SORCS1: variants seen among roughly 807,000 people sequenced by gnomAD.
SORCS1 encodes VPS10 domain-containing receptor SorCS1.
SORCS1 carries 60 observed loss-of-function variants against 146.1 expected under a neutral mutation model. The observed-to-expected ratio is 0.41, with a 90% CI of 0.33 to 0.51. SORCS1 has a LOEUF of 0.51. Among genes scored for constraint, SORCS1 ranks in the 20% least tolerant of loss-of-function variants. The probability of loss-of-function intolerance (pLI) is 0.21; values close to 1 mark genes in which losing one functional copy is unlikely to be tolerated. For missense variants in SORCS1, 1,352 were observed against 1,487.6 expected (o/e 0.91, Z 1.50); for synonymous variants, 637 against 584.0 (o/e 1.09, Z -1.31).
rs1002103743 is a variant in SORCS1, at chr10:106,960,209, C to A, written c.559-3629G>T. Among the ~76,000 whole-genome samples the A allele has an allele frequency of 3.3e-5, 5 of 152,166 alleles. No individual in the cohort carries two copies. Among genetic ancestry groups the A allele is most frequent in the Non-Finnish European group, 7.4e-5 (5 of 68,026 alleles). On this transcript the variant is annotated intron_variant, in intron 1 of 25. Transcript: ENST00000263054. This position sits in a 1 kb window ranked among gnomAD's most constrained non-coding sequence, Gnocchi z 4.4. Reference sequence around the variant, plus strand: ...TAAGACTTGATAACCTCCACCTATGCCATACCAGGACCTCTGCATCCAGTT... The same window carrying A: ...TAAGACTTGATAACCTCCACCTATGACATACCAGGACCTCTGCATCCAGTT...
chr10:107,094,248 T>C (rs1373356808), intron 1 of SORCS1, among the ~76,000 whole-genome samples: 1 of 152,216 alleles, frequency 6.6e-6, no homozygotes, highest in East Asian at 1.9e-4. Context: ...GTTTATTATA[T>C]GAATGTATAA....
At chr10:106,852,213 A>G (rs923198858) in intron 2 of SORCS1, among the ~76,000 whole-genome samples, 1 of 152,182 alleles carries the variant, frequency 6.6e-6, no homozygotes, top group African/African-American at 2.4e-5. Context: ...ACTTCCAGCT[A>G]AAAAACAGTG....
intron 2 of SORCS1, among the ~76,000 whole-genome samples, chr10:106,890,874 G>A (rs1951204389): frequency 6.6e-6 from 1 of 151,924 alleles, no homozygotes; most frequent in Non-Finnish European, 1.5e-5. Flanking sequence ...CATCTCAATA[G>A]GAATTGAATA....
chr10:106,969,611 C>T (rs1303355721), intron 1 of SORCS1, among the ~76,000 whole-genome samples: 1 of 152,096 alleles, frequency 6.6e-6, no homozygotes, highest in Non-Finnish European at 1.5e-5. Flanking sequence ...ATAAAGAAAA[C>T]GAGATCTAAA....
chr10:106,612,910 C>T (rs1459329270), intron 21 of SORCS1, among the ~76,000 whole-genome samples: 4 of 152,192 alleles, frequency 2.6e-5, no homozygotes, highest in African/African-American at 9.6e-5. Context: ...GCCTAGAACG[C>T]CCCATTCTCC....
intron 2 of SORCS1, among the ~76,000 whole-genome samples, chr10:106,864,377 G>A (rs953554659): frequency 6.6e-6 from 1 of 152,116 alleles, no homozygotes; most frequent in Admixed American, 6.5e-5. Flanking sequence ...GTGGATCTTT[G>A]CAACCCTCGA....
intron 5 of SORCS1, among the ~76,000 whole-genome samples, chr10:106,741,633 A>G (rs1857372378): frequency 6.6e-6 from 1 of 151,668 alleles, no homozygotes; most frequent in Non-Finnish European, 1.5e-5. Flanking sequence ...AGAGAGAGAG[A>G]GAGTGAGAGA....
At chr10:106,789,866 C>T (rs1946228746) in intron 3 of SORCS1, among the ~76,000 whole-genome samples, 1 of 152,222 alleles carries the variant, frequency 6.6e-6, no homozygotes, top group African/African-American at 2.4e-5. Flanking sequence ...GTGTAATTGA[C>T]TCACAGTTCT....
intron 1 of SORCS1, among the ~76,000 whole-genome samples, chr10:107,083,768 A>G (rs1055146675): frequency 1.3e-5 from 2 of 152,240 alleles, no homozygotes; most frequent in African/African-American, 4.8e-5. Context: ...TGAGGGCTGC[A>G]TATGAGCACT....
intron 2 of SORCS1, among the ~76,000 whole-genome samples, chr10:106,884,560 G>C (rs1309210141): frequency 6.6e-6 from 1 of 152,046 alleles, no homozygotes; most frequent in Non-Finnish European, 1.5e-5. Context: ...TTAAAGCAGA[G>C]CTTCACTTAG....
At chr10:106,761,817 C>T (rs552662115) in intron 4 of SORCS1, among the ~76,000 whole-genome samples, 156 bp from the exon 5 acceptor site, 18 of 152,286 alleles carry the variant, frequency 1.2e-4, no homozygotes, top group African/African-American at 4.3e-4. Context: ...CATCTCTATT[C>T]CTTATACAAA....
chr10:107,084,519 G>T (rs1416450893), intron 1 of SORCS1, among the ~76,000 whole-genome samples: 1 of 151,978 alleles, frequency 6.6e-6, no homozygotes, highest in Admixed American at 6.6e-5. Context: ...GTATATGTAT[G>T]GGAAGAGAAA....
chr10:106,964,205 T>C (rs1464703237), intron 1 of SORCS1, among the ~76,000 whole-genome samples: 1 of 152,206 alleles, frequency 6.6e-6, no homozygotes, highest in Non-Finnish European at 1.5e-5. Flanking sequence ...AGATAGGCTT[T>C]GGCACTATTG....
chr10:106,803,938 G>A (rs1305719817), intron 3 of SORCS1, among the ~76,000 whole-genome samples: 1 of 152,132 alleles, frequency 6.6e-6, no homozygotes, highest in Non-Finnish European at 1.5e-5. Context: ...GTGAACAAAA[G>A]TGACACACGA....
At chr10:106,794,838 A>G (rs1465252214) in intron 3 of SORCS1, among the ~76,000 whole-genome samples, 1 of 152,074 alleles carries the variant, frequency 6.6e-6, no homozygotes, top group Non-Finnish European at 1.5e-5. Flanking sequence ...AAGTTTCTGT[A>G]TTCATAGACT....
At chr10:106,971,742 G>A (rs1396783926) in intron 1 of SORCS1, among the ~76,000 whole-genome samples, 1 of 152,154 alleles carries the variant, frequency 6.6e-6, no homozygotes, top group Non-Finnish European at 1.5e-5. Flanking sequence ...TTTGAAGGTT[G>A]GCCAGGACAC....
At chr10:106,802,826 G>T (rs1946975664) in intron 3 of SORCS1, among the ~76,000 whole-genome samples, 1 of 152,050 alleles carries the variant, frequency 6.6e-6, no homozygotes, top group East Asian at 1.9e-4. Flanking sequence ...GTAGAGACAG[G>T]GTTTCACCAT....
At chr10:107,101,413 C>T (rs902390927) in intron 1 of SORCS1, among the ~76,000 whole-genome samples, 1 of 152,178 alleles carries the variant, frequency 6.6e-6, no homozygotes, top group Middle Eastern at 3.2e-3. Flanking sequence ...ACTGACATGT[C>T]TGTATCAACC....
chr10:106,941,715 CT>C (rs1211754214), intron 2 of SORCS1, among the ~76,000 whole-genome samples: 1 of 152,162 alleles, frequency 6.6e-6, no homozygotes, highest in Non-Finnish European at 1.5e-5. Flanking sequence ...ATATTTTTAA[CT>C]ATAAAAGGAA....
Sources: gnomAD v4.1 joint callset for allele counts (sites outside exome capture counted in the v4.1 genomes callset) on GRCh38, gnomAD v4.1.1 for gene constraint, Gnocchi (gnomAD v3.1) non-coding constraint, MANE v1.5 for transcripts, NCBI Gene and HGNC (gene_info 2026-07-23, HGNC 2026-07-21) for gene names.